The following ROBO2 variants were observed in gnomAD, a reference collection of about 807,000 sequenced individuals.
ROBO2 encodes roundabout homolog 2.
A neutral mutation model predicts 160.8 loss-of-function variants in ROBO2; 53 were observed. The ratio of observed to expected loss-of-function variants is 0.33; its 90% CI spans 0.26 to 0.41. ROBO2 has a LOEUF of 0.41. Ranked by LOEUF, ROBO2 falls within the 10% of genes least tolerant of loss-of-function variation. The pLI is 1.00. For synonymous variants in ROBO2, 664 were observed against 611.7 expected (o/e 1.09, Z -1.26); for missense variants, 1,577 against 1,722.4 (o/e 0.92, Z 1.49).
intron 2 of ROBO2, among the ~76,000 whole-genome samples, chr3:77,233,319 C>T (rs2087482756): frequency 1.3e-5 from 2 of 152,188 alleles, no homozygotes. Context: ...TTGCCCCCCC[C>T]TCCACTTTTT....
chr3:77,644,498 A>G (rs2095391495), intron 24 of ROBO2, among the ~76,000 whole-genome samples: 1 of 152,172 alleles, frequency 6.6e-6, no homozygotes, highest in Admixed American at 6.5e-5. Context: ...TTTTAATTTA[A>G]TTCTGCTTTG....
At chr3:77,328,535 C>G (rs911593581) in intron 2 of ROBO2, among the ~76,000 whole-genome samples, 6 of 152,062 alleles carry the variant, frequency 3.9e-5, no homozygotes, top group African/African-American at 1.4e-4. Flanking sequence ...TTTGTATATG[C>G]TGTTTGCTAT....
chr3:75,948,359 C>A (rs1363786310), intron 2 of ROBO2, among the ~76,000 whole-genome samples: 1 of 152,056 alleles, frequency 6.6e-6, no homozygotes, highest in Non-Finnish European at 1.5e-5. Context: ...ATCAAACTCT[C>A]CTGATGAGGA....
At chr3:76,742,405 C>T (rs966162865) in intron 2 of ROBO2, among the ~76,000 whole-genome samples, 2 of 152,068 alleles carry the variant, frequency 1.3e-5, no homozygotes, top group Non-Finnish European at 2.9e-5. Context: ...TTTAACTACT[C>T]CATTTGAAAC....
In ROBO2 at chr3:76,637,076, T is replaced by C. The variant is rs187342392; in HGVS notation, c.110-460938T>C. 9.9e-4 allele frequency among the ~76,000 whole-genome samples: 151 copies of C among 151,954 alleles called. 5 individuals carry two copies. In the East Asian group the frequency reaches 0.027, roughly 27 times the overall value. On this transcript the variant is annotated intron_variant, in intron 2 of 26. Transcript: ENST00000487694. The stretch of plus-strand genomic sequence containing the variant: ...TGCCTTCACAAGAGTGTGAAATAAA[T>C]GGGGGGCCTTAGGGTGTACATGGTT...
At chr3:76,490,825 A>G (rs1346796839) in intron 2 of ROBO2, among the ~76,000 whole-genome samples, 3 of 152,224 alleles carry the variant, frequency 2.0e-5, no homozygotes, top group Non-Finnish European at 4.4e-5. Context: ...ATTTTTATTT[A>G]GGGTTATTTA....
Position 77,427,922 on chromosome 3 carries a change from G to A in ROBO2, c.389-49492G>A, listed in dbSNP as rs34189543. Among the ~76,000 whole-genome samples the A allele has an allele frequency of 3.9e-3, 589 of 152,270 alleles. 3 individuals carry two copies. Among genetic ancestry groups the A allele is most frequent in the Middle Eastern group, 0.02 (6 of 294 alleles). On this transcript the variant is annotated intron_variant, in intron 2 of 25. Transcript: ENST00000461745. ...TATAAAAAGATTAATTTTATATTCC[G>A]TTTTTAACCTTACAGGCAACCATTA...
chr3:76,887,049 G>GTATT (rs1270696644), intron 2 of ROBO2, among the ~76,000 whole-genome samples: 2 of 152,116 alleles, frequency 1.3e-5, no homozygotes, highest in African/African-American at 4.8e-5. Context: ...ATAACCATTT[G>GTATT]TATTTATTGA....
At chr3:77,195,502 A>T (rs1401112997) in intron 2 of ROBO2, among the ~76,000 whole-genome samples, 1 of 152,250 alleles carries the variant, frequency 6.6e-6, no homozygotes, top group Non-Finnish European at 1.5e-5. Context: ...TTAAGGAAAA[A>T]GGAACAGATA....
chr3:76,619,913 T>G (rs1266779251), intron 2 of ROBO2, among the ~76,000 whole-genome samples: 1 of 152,168 alleles, frequency 6.6e-6, no homozygotes, highest in Non-Finnish European at 1.5e-5. Context: ...TTATCTTAAT[T>G]CAGCCCAGGT....
At chr3:76,827,304 GA>G (rs1207233485) in intron 2 of ROBO2, among the ~76,000 whole-genome samples, 1 of 152,134 alleles carries the variant, frequency 6.6e-6, no homozygotes, top group Non-Finnish European at 1.5e-5. Flanking sequence ...AGAAATGAAT[GA>G]ATATATCTAA....
intron 5 of ROBO2, among the ~76,000 whole-genome samples, chr3:77,516,787 A>G (rs1291683091): frequency 2.0e-5 from 3 of 151,616 alleles, no homozygotes; most frequent in Non-Finnish European, 3.0e-5. Flanking sequence ...TAAACACAAC[A>G]TTACTATGCT....
intron 2 of ROBO2, among the ~76,000 whole-genome samples, chr3:77,216,587 A>T (rs978200770): frequency 6.6e-6 from 1 of 152,038 alleles, no homozygotes; most frequent in African/African-American, 2.4e-5. Flanking sequence ...ACTGTCCTGC[A>T]CCCACTGTCC....
chr3:77,642,862 C>T (rs1456149698), intron 24 of ROBO2: 7 of 456,526 alleles, frequency 1.5e-5, no homozygotes, highest in Non-Finnish European at 2.6e-5. Context: ...AGAGTGGCAG[C>T]GACAAACCCA....
chr3:77,222,282 A>C (rs1232243390), intron 2 of ROBO2, among the ~76,000 whole-genome samples: 1 of 152,176 alleles, frequency 6.6e-6, no homozygotes, highest in East Asian at 1.9e-4. Context: ...AATATACTAC[A>C]TTGTCAATAT....
At chr3:76,916,064 TGGAGGGTTA>T (rs2076284938) in intron 2 of ROBO2, among the ~76,000 whole-genome samples, 1 of 152,078 alleles carries the variant, frequency 6.6e-6, no homozygotes, top group Non-Finnish European at 1.5e-5. Context: ...TATCATCAGA[TGGAGGGTTA>T]GGGTTTCAAT....
intron 2 of ROBO2, among the ~76,000 whole-genome samples, chr3:77,375,604 A>G (rs1331091172): frequency 7.2e-5 from 11 of 152,190 alleles, no homozygotes; most frequent in Admixed American, 3.9e-4. Context: ...CTATGAAACT[A>G]TCTAAACTAG....
chr3:76,637,918 G>A (rs2090428878), intron 2 of ROBO2, among the ~76,000 whole-genome samples: 1 of 152,138 alleles, frequency 6.6e-6, no homozygotes, highest in South Asian at 2.1e-4. Context: ...TTGAGTCTCT[G>A]TATAGTATTA....
intron 24 of ROBO2, among the ~76,000 whole-genome samples, chr3:77,638,439 G>C (rs1316539851): frequency 6.6e-6 from 1 of 152,156 alleles, no homozygotes; most frequent in Non-Finnish European, 1.5e-5. Flanking sequence ...GTTGTTGGGA[G>C]GTTGTAATGG....
Sources: gnomAD v4.1 joint callset for allele counts (sites outside exome capture counted in the v4.1 genomes callset) on GRCh38, gnomAD v4.1.1 for gene constraint, MANE v1.5 for transcripts, NCBI Gene and HGNC (gene_info 2026-07-23, HGNC 2026-07-21) for gene names.